Variants in SGCZ observed in about 807,000 individuals in gnomAD.
The protein encoded by SGCZ is sarcoglycan zeta.
In SGCZ, 40 loss-of-function variants were observed where a neutral mutation model predicts 41.3. That is an observed-to-expected ratio of 0.97 (90% confidence interval 0.75 to 1.26). The LOEUF is 1.26. Among genes scored for constraint, SGCZ ranks in the 50% most tolerant of loss-of-function variants. The probability of loss-of-function intolerance (pLI) is 0.00; values close to 1 mark genes in which losing one functional copy is unlikely to be tolerated. For missense variants in SGCZ, 552 were observed against 369.8 expected (o/e 1.49, Z -4.04); for synonymous variants, 206 against 137.5 (o/e 1.50, Z -3.49).
At chr8:14,792,821 G>T (rs1318247509) in intron 1 of SGCZ, among the ~76,000 whole-genome samples, 20 of 151,580 alleles carry the variant, frequency 1.3e-4, no homozygotes, top group Non-Finnish European at 1.5e-5. Context: ...CCTCTTCTTT[G>T]CCCCTAAAGA....
At chr8:14,878,523 C>T (rs1804456277) in intron 1 of SGCZ, among the ~76,000 whole-genome samples, 1 of 152,026 alleles carries the variant, frequency 6.6e-6, no homozygotes, top group African/African-American at 2.4e-5. Context: ...TGATTGGCTA[C>T]AAATGAGATG....
chr8:14,103,651 C>CTT (rs61080809), intron 6 of SGCZ, among the ~76,000 whole-genome samples: 19 of 151,048 alleles, frequency 1.3e-4, no homozygotes, highest in East Asian at 7.8e-4. Flanking sequence ...CTTCCATTTT[C>CTT]TTTTTTTTTC....
At chr8:14,162,234 C>T (rs1396269620) in intron 5 of SGCZ, among the ~76,000 whole-genome samples, 1 of 152,054 alleles carries the variant, frequency 6.6e-6, no homozygotes, top group Non-Finnish European at 1.5e-5. Flanking sequence ...GTAAAAGCTG[C>T]CAAGAACTCT....
chr8:14,701,682 G>C (rs1002542083), intron 1 of SGCZ, among the ~76,000 whole-genome samples: 3 of 151,520 alleles, frequency 2.0e-5, no homozygotes, highest in African/African-American at 7.3e-5. Flanking sequence ...GTCTTGTTCT[G>C]TGTCCCACTG....
At chr8:14,098,546 A>G (rs944392282) in intron 7 of SGCZ, among the ~76,000 whole-genome samples, 7 of 152,162 alleles carry the variant, frequency 4.6e-5, no homozygotes, top group African/African-American at 1.7e-4. Context: ...AGGAGCTAGC[A>G]TGTGTGCAGA....
chr8:14,407,918 TTTTTGCTTTTC>T (rs1799255457), intron 2 of SGCZ, among the ~76,000 whole-genome samples: 1 of 152,156 alleles, frequency 6.6e-6, no homozygotes, highest in Non-Finnish European at 1.5e-5. Context: ...GAGTCTCACG[TTTTTGCTTTTC>T]ACTTATTTTT....
chr8:14,367,353 T>C (rs914752979), intron 2 of SGCZ, among the ~76,000 whole-genome samples: 21 of 152,100 alleles, frequency 1.4e-4, no homozygotes, highest in African/African-American at 4.6e-4. Flanking sequence ...TCCTGTCTTC[T>C]TCTGAGCCCT....
At chr8:14,918,288 C>T (rs1161621949) in intron 1 of SGCZ, among the ~76,000 whole-genome samples, 1 of 152,042 alleles carries the variant, frequency 6.6e-6, no homozygotes, top group Non-Finnish European at 1.5e-5. Flanking sequence ...CCTCATCCTG[C>T]TAGTTCTCAG....
At chr8:15,030,948 C>A (rs932706243) in intron 1 of SGCZ, among the ~76,000 whole-genome samples, 1 of 152,118 alleles carries the variant, frequency 6.6e-6, no homozygotes, top group Non-Finnish European at 1.5e-5. Flanking sequence ...CAGGAGGCCA[C>A]ACCAATTTTT....
intron 1 of SGCZ, 65 bp downstream of exon 1, chr8:15,237,520 G>A (rs1019861406): frequency 1.6e-5 from 25 of 1,542,504 alleles, no homozygotes; most frequent in African/African-American, 9.6e-5. Context: ...GGAGCCGCGG[G>A]AAGGAGAGGG....
At chr8:14,501,012 C>T (rs987063146) in intron 2 of SGCZ, among the ~76,000 whole-genome samples, 1 of 150,962 alleles carries the variant, frequency 6.6e-6, no homozygotes, top group Admixed American at 6.6e-5. Flanking sequence ...ATTATCTTAA[C>T]AGATCTTGAG....
chr8:14,152,794 G>A (rs568447935), intron 5 of SGCZ, among the ~76,000 whole-genome samples: 1 of 152,184 alleles, frequency 6.6e-6, no homozygotes, highest in African/African-American at 2.4e-5. Context: ...CTCAATGGAT[G>A]AATAATTAAA....
rs144044360 is a variant in SGCZ, at chr8:14,789,290, T to C, written c.40-234364A>G. On this transcript the variant is annotated intron_variant, in intron 1 of 7. Transcript: ENST00000382080. ...TTACAGTATGTAAACTGAAACAAGG[T>C]AGAATGTCTGCCTCATTCAACCTCA... Among the ~76,000 whole-genome samples the C allele has an allele frequency of 4.2e-3, 639 of 152,312 alleles. 4 individuals carry two copies. The highest frequency in any genetic ancestry group is 0.015 in the African/African-American group (606 of 41,564).
intron 1 of SGCZ, among the ~76,000 whole-genome samples, chr8:14,909,718 A>G (rs181206436): frequency 1.5e-4 from 23 of 152,244 alleles, no homozygotes; most frequent in Admixed American, 1.5e-3. Context: ...GGTTTGCATC[A>G]ACACCAATTT....
chr8:15,179,525 CA>C (rs1474009684), intron 1 of SGCZ, among the ~76,000 whole-genome samples: 9 of 152,044 alleles, frequency 5.9e-5, no homozygotes, highest in Admixed American at 4.6e-4. Context: ...CCAAAAATAA[CA>C]AGTAATTTTC....
chr8:14,578,111 G>A (rs1804772194), intron 1 of SGCZ, among the ~76,000 whole-genome samples: 1 of 152,122 alleles, frequency 6.6e-6, no homozygotes. Context: ...ATCAAAGTTG[G>A]GTGAAGGCAG....
chr8:14,450,607 G>A (rs543580244), intron 2 of SGCZ, among the ~76,000 whole-genome samples: 1 of 152,236 alleles, frequency 6.6e-6, no homozygotes, highest in Admixed American at 6.5e-5. Context: ...CTATTTTATA[G>A]AATCAGACCA....
Position 14,223,546 on chromosome 8 carries a change from A to T in SGCZ, c.424+14046T>A, listed in dbSNP as rs898557788. On this transcript the variant is annotated intron_variant, in intron 4 of 7. Coordinates refer to ENST00000382080, the MANE Select transcript of SGCZ (RefSeq NM_139167.4). ...GTCACATCTAGACCAATATATATAT[A>T]TATTTTAACAGAATTAGTGAGCTGT... Among the ~76,000 whole-genome samples the T allele has an allele frequency of 9.4e-5, 14 of 149,026 alleles. No individual in the cohort carries two copies. The South Asian group carries it at 1.1e-3, about 11-fold the overall frequency.
At chr8:14,678,658 C>A (rs567204454) in intron 1 of SGCZ, among the ~76,000 whole-genome samples, 3 of 152,286 alleles carry the variant, frequency 2.0e-5, no homozygotes, top group Admixed American at 2.0e-4. Flanking sequence ...AAATGCTTAT[C>A]CTATGATCCA....
Sources: allele counts gnomAD v4.1 joint callset (sites outside exome capture counted in the v4.1 genomes callset), GRCh38; gene constraint gnomAD v4.1.1; transcripts MANE v1.5; gene names NCBI Gene and HGNC (gene_info 2026-07-23, HGNC 2026-07-21).